Variants in GUCY2C observed in about 807,000 individuals in gnomAD.
GUCY2C encodes the protein guanylate cyclase 2C.
In GUCY2C, 118 loss-of-function variants were observed where a neutral mutation model predicts 131.1. The observed-to-expected ratio is 0.90, with a 90% CI of 0.78 to 1.05. The LOEUF (loss-of-function observed/expected upper bound fraction) is 1.05, where lower values mean the gene tolerates loss of function less well. GUCY2C is among the 50% of genes least tolerant of loss of function. GUCY2C has a pLI of 0.00. For missense variants in GUCY2C, 1,161 were observed against 1,304.4 expected (o/e 0.89, Z 1.69); for synonymous variants, 452 against 457.8 (o/e 0.99, Z 0.16).
chr12:14,663,948 T>G (rs543177047), intron 10 of GUCY2C, among the ~76,000 whole-genome samples: 3 of 152,242 alleles, frequency 2.0e-5, no homozygotes, highest in Non-Finnish European at 4.4e-5. Flanking sequence ...GGGTCTCATG[T>G]CATATGTATT....
At chr12:14,616,823 C>A in intron 24 of GUCY2C, 96 bp from the exon 25 acceptor site, 3 of 749,166 alleles carry the variant, frequency 4.0e-6, no homozygotes, top group Non-Finnish European at 7.3e-6. Flanking sequence ...AGACAAGAAT[C>A]CTAAATCAAG....
At chr12:14,685,182 T>C (rs962552837) in intron 3 of GUCY2C, among the ~76,000 whole-genome samples, 4 of 152,192 alleles carry the variant, frequency 2.6e-5, no homozygotes, top group African/African-American at 4.8e-5. Context: ...TCCTTTCCTT[T>C]TGAGCATACT....
Position 14,684,763 on chromosome 12 carries a change from C to T in GUCY2C, c.395+1398G>A, listed in dbSNP as rs573755213. On this transcript the variant is annotated intron_variant, in intron 3 of 26. Coordinates refer to ENST00000261170, the MANE Select transcript of GUCY2C (RefSeq NM_004963.4). ...TGGATCACTGGAGCCTTGACCTCCT[C>T]GGTTCAAGTGATCCTCCCATCTTGG... Among the ~76,000 whole-genome samples the T allele has an allele frequency of 6.6e-5, 10 of 151,720 alleles. No individual in the cohort carries two copies. In the East Asian group the frequency reaches 1.2e-3, roughly 18 times the overall value.
At chr12:14,691,746 T>A (rs571896095) in intron 1 of GUCY2C, among the ~76,000 whole-genome samples, 1 of 152,214 alleles carries the variant, frequency 6.6e-6, no homozygotes, top group South Asian at 2.1e-4. Flanking sequence ...GCACAGTGCC[T>A]GGGAAAAAGG....
intron 22 of GUCY2C, 52 bp from the exon 23 acceptor site, chr12:14,621,268 A>G (rs774622183): frequency 1.0e-5 from 15 of 1,450,976 alleles, no homozygotes; most frequent in African/African-American, 1.4e-5. Flanking sequence ...AAGTATAGAA[A>G]GTAAACAGAA....
chr12:14,619,625 G>T, intron 23 of GUCY2C: 1 of 272,596 alleles, frequency 3.7e-6, no homozygotes, highest in Admixed American at 5.2e-5. Flanking sequence ...ATGAAGATGA[G>T]CCCCACTGCT....
rs1947001669 is a variant in GUCY2C, at chr12:14,625,796, C to T, written c.2369G>A (p.Arg790Lys). 6.2e-7 allele frequency: 1 copy of T among 1,613,986 alleles called. No homozygotes were observed. Among genetic ancestry groups the T allele is most frequent in the Admixed American group, 1.7e-5 (1 of 59,990 alleles). The part of the protein sequence containing the change: ...EERTQLYKAE[R>K]DRADRLNFML... ...AAAGTTAAGTCTGTCAGCCCTGTCC[C>T]TCTCTGCCTTGTACAGCTGTGTCCT... is the stretch of plus-strand genomic sequence containing the variant. The change falls in exon 21 of 27, where the codon AGG (arginine) becomes AAG (lysine). Residue 790 changes from arginine (R) to lysine (K), a missense_variant. Physicochemically the swap from Arg to Lys is conservative, Grantham distance 26. Transcript: ENST00000261170.
At chr12:14,658,562 C>A (rs1947803886) in intron 11 of GUCY2C, among the ~76,000 whole-genome samples, 1 of 152,036 alleles carries the variant, frequency 6.6e-6, no homozygotes, top group Admixed American at 6.6e-5. Context: ...TGTAATTGTA[C>A]CTACTAGTGA....
At chr12:14,650,793 C>T (rs961912238) in intron 15 of GUCY2C, among the ~76,000 whole-genome samples, 1 of 152,018 alleles carries the variant, frequency 6.6e-6, no homozygotes, top group African/African-American at 2.4e-5. Context: ...AAGAAAGAGC[C>T]CTCAGATGTT....
rs201522394 is a variant in GUCY2C, at chr12:14,657,949, T to C, written c.1365-1332A>G. Among the ~76,000 whole-genome samples the C allele has an allele frequency of 5.9e-5, 9 of 152,354 alleles. No individual in the cohort carries two copies. In the East Asian group the frequency reaches 1.7e-3, roughly 29 times the overall value. ...TCTTATCTTGAGAATTCCCATTTTC[T>C]ATATTCTTGTCAACATTTGGTATTG... On this transcript the variant is annotated intron_variant, in intron 11 of 26. Coordinates refer to ENST00000261170, the MANE Select transcript of GUCY2C (RefSeq NM_004963.4).
intron 5 of GUCY2C, among the ~76,000 whole-genome samples, chr12:14,680,133 G>A (rs1948321394): frequency 6.6e-6 from 1 of 152,088 alleles, no homozygotes; most frequent in Non-Finnish European, 1.5e-5. Flanking sequence ...GATAAGTGAA[G>A]TATACCTCAC....
chr12:14,662,675 C>CAAAAAAA, intron 10 of GUCY2C, among the ~76,000 whole-genome samples: 2 of 72,098 alleles, frequency 2.8e-5, no homozygotes, highest in Non-Finnish European at 6.5e-5. Context: ...GACTCCGTCT[C>CAAAAAAA]AAAAAAAAAA....
chr12:14,613,203 T>C lies in GUCY2C; in HGVS notation c.3136A>G (p.Lys1046Glu). Residue 1046 changes from lysine to glutamate, a missense_variant, in exon 27 of 27, where the codon AAA (lysine) becomes GAA (glutamate). Lys to Glu is a moderately conservative substitution (Grantham distance 56). Transcript: ENST00000261170. The surrounding 1 kb of genome is among the most constrained non-coding windows in gnomAD (Gnocchi z 4.9). ...KRQAAGIRSQ[K>E]PRRVASYKKG... is the part of the protein sequence containing the mutation. The stretch of plus-strand genomic sequence containing the variant: ...TTATAGCTGGCTACCCGTCTGGGTT[T>C]TTGGCTTCTTATCCCTGCTGCCTGT... 1 of 1,613,612 alleles carries C rather than the reference T, an allele frequency of 6.2e-7. No homozygotes were observed. The highest frequency in any genetic ancestry group is 8.5e-7 in the Non-Finnish European group (1 of 1,179,606).
chr12:14,692,579 G>A (rs1028089664), intron 1 of GUCY2C, among the ~76,000 whole-genome samples: 22 of 152,308 alleles, frequency 1.4e-4, no homozygotes, highest in African/African-American at 5.1e-4. Flanking sequence ...CAGGTGCGGT[G>A]GCTCACGCCT....
chr12:14,623,390 C>T (rs924067048), intron 21 of GUCY2C, among the ~76,000 whole-genome samples: 4 of 152,180 alleles, frequency 2.6e-5, no homozygotes, highest in Admixed American at 2.0e-4. Context: ...CCGGAGAAAC[C>T]TTTTTAATTG....
At chr12:14,694,951 C>G (rs1948630738) in intron 1 of GUCY2C, among the ~76,000 whole-genome samples, 1 of 151,954 alleles carries the variant, frequency 6.6e-6, no homozygotes, top group African/African-American at 2.4e-5. Context: ...ATGAAATATC[C>G]TACATCAGAG....
chr12:14,680,208 C>T (rs184332411), intron 5 of GUCY2C, among the ~76,000 whole-genome samples: 2 of 152,264 alleles, frequency 1.3e-5, no homozygotes, highest in East Asian at 1.9e-4. Context: ...TATAAAGTCT[C>T]CCTAAGCAAC....
intron 10 of GUCY2C, among the ~76,000 whole-genome samples, chr12:14,667,906 A>T (rs1948013892): frequency 6.6e-6 from 1 of 151,830 alleles, no homozygotes; most frequent in African/African-American, 2.4e-5. Context: ...ATTACTTTAC[A>T]TCATAAGTTT....
intron 10 of GUCY2C, among the ~76,000 whole-genome samples, chr12:14,664,733 A>G (rs757092948): frequency 4.6e-5 from 7 of 152,160 alleles, no homozygotes; most frequent in Non-Finnish European, 7.3e-5. Flanking sequence ...AAACTTCTTG[A>G]TTTAACAGGG....
Sources: gnomAD v4.1 joint callset for allele counts (sites outside exome capture counted in the v4.1 genomes callset) on GRCh38, gnomAD v4.1.1 for gene constraint, Gnocchi (gnomAD v3.1) non-coding constraint, MANE v1.5 for transcripts, NCBI Gene and HGNC (gene_info 2026-07-23, HGNC 2026-07-21) for gene names.